The following VWDE variants were observed in gnomAD, a reference collection of about 807,000 sequenced individuals.
VWDE encodes the protein von Willebrand factor D and EGF domain-containing protein.
A neutral mutation model predicts 178.4 loss-of-function variants in VWDE; 207 were observed. That is an observed-to-expected ratio of 1.16 (90% CI 1.04 to 1.30). The LOEUF (loss-of-function observed/expected upper bound fraction) is 1.30, where lower values mean the gene tolerates loss of function less well. Ranked by LOEUF, VWDE falls within the 50% of genes most tolerant of loss-of-function variation. The pLI, the probability that VWDE is intolerant of heterozygous loss-of-function variation, is 0.00. For missense variants in VWDE, 2,287 were observed against 1,901.3 expected (o/e 1.20, Z -3.77); for synonymous variants, 738 against 651.4 (o/e 1.13, Z -2.02).
At chr7:12,392,609 T>C (rs1007171799) in intron 2 of VWDE, among the ~76,000 whole-genome samples, 4 of 152,166 alleles carry the variant, frequency 2.6e-5, no homozygotes, top group Non-Finnish European at 4.4e-5. Context: ...TAATGCAAGA[T>C]AGCTGAGGGA....
chr7:12,358,299 G>A (rs12532124), intron 16 of VWDE, among the ~76,000 whole-genome samples: 55,316 of 150,896 alleles, frequency 0.37, 10,603 homozygotes, highest in African/African-American at 0.49. Flanking sequence ...GCTTGAACCC[G>A]GGAGGTGGAG....
At chr7:12,353,716 C>T (rs1782067817) in intron 18 of VWDE, 1 of 152,236 alleles carries the variant, frequency 6.6e-6, no homozygotes, top group Non-Finnish European at 1.5e-5. Context: ...ACACACTGCT[C>T]CTTAAACTAT....
At chr7:12,347,555 AATAAC>A (rs1781672961) in intron 19 of VWDE, among the ~76,000 whole-genome samples, 1 of 152,132 alleles carries the variant, frequency 6.6e-6, no homozygotes, top group Non-Finnish European at 1.5e-5. Context: ...ATTAGAAAAT[AATAAC>A]ATAACAGAAA....
chr7:12,359,687 AT>A lies in VWDE; in HGVS notation c.3164del (p.Asn1055MetfsTer22). ...YKNDSCTIKE[N>X]VCIIDGLCYV... Reference sequence around the variant, plus strand: ...AGCAGAGTCCATCAATAATGCAAACATTTTCCTAATGGAAAATTTTTAAAAA... The same window carrying A: ...AGCAGAGTCCATCAATAATGCAAACATTTCCTAATGGAAAATTTTTAAAAA... On this transcript the variant is annotated frameshift_variant, in exon 16 of 29. Coordinates refer to ENST00000275358, the MANE Select transcript of VWDE (RefSeq NM_001135924.3). LOFTEE classifies it high-confidence loss of function. 6.5e-7 allele frequency: 1 copy of A among 1,535,232 alleles called. No homozygotes were observed. Among genetic ancestry groups the A allele is most frequent in the South Asian group, 1.2e-5 (1 of 80,760 alleles).
At chr7:12,388,243 G>A (rs879308628) in intron 3 of VWDE, among the ~76,000 whole-genome samples, 4 of 152,100 alleles carry the variant, frequency 2.6e-5, no homozygotes, top group Admixed American at 6.6e-5. Flanking sequence ...GCTTTTGGGG[G>A]AAGAGTACTA....
At chr7:12,390,034 G>A (rs1032493685) in intron 2 of VWDE, among the ~76,000 whole-genome samples, 17 of 152,050 alleles carry the variant, frequency 1.1e-4, no homozygotes, top group South Asian at 4.1e-4. Flanking sequence ...GTGTGGTGGC[G>A]TGCGCCTGTA....
chr7:12,343,113 A>G lies in VWDE; in HGVS notation c.4144T>C (p.Tyr1382His), dbSNP rs1186759587. The change falls in exon 22 of 29, where the codon TAT (tyrosine) becomes CAT (histidine). Residue 1382 changes from tyrosine to histidine, a missense_variant. By Grantham distance (83) the Tyr-to-His change is moderately conservative (BLOSUM62 2). Coordinates refer to ENST00000275358, the MANE Select transcript of VWDE (RefSeq NM_001135924.3). ...TCACACCTTGGTCCTACAAAACCAT[A>G]AGGACAAGTGCAGAGATTCCCAGCC... Reference protein sequence around the residue: ...CLAGNLCTCPYGFVGPRCETM... With the variant: ...CLAGNLCTCPHGFVGPRCETM... 6.5e-7 allele frequency: 1 copy of G among 1,549,612 alleles called. No homozygotes were observed. The highest frequency in any genetic ancestry group is 8.7e-7 in the Non-Finnish European group (1 of 1,145,626).
At chr7:12,331,794 G>C (rs1277167625) in intron 28 of VWDE, among the ~76,000 whole-genome samples, 1 of 152,132 alleles carries the variant, frequency 6.6e-6, no homozygotes, top group Non-Finnish European at 1.5e-5. Flanking sequence ...GGGTCAGAGT[G>C]AGTGCACTCA....
chr7:12,394,676 G>A (rs1784545144), intron 1 of VWDE, among the ~76,000 whole-genome samples: 1 of 152,086 alleles, frequency 6.6e-6, no homozygotes, highest in African/African-American at 2.4e-5. Context: ...GAATACCAGA[G>A]TATCTTGTTG....
intron 19 of VWDE, among the ~76,000 whole-genome samples, chr7:12,346,627 G>A (rs532569265): frequency 9.2e-5 from 14 of 151,364 alleles, no homozygotes; most frequent in Admixed American, 7.9e-4. Flanking sequence ...GGGGGCGGGG[G>A]GGATCATTAT....
intron 1 of VWDE, among the ~76,000 whole-genome samples, chr7:12,401,616 G>C (rs1784897202): frequency 6.6e-6 from 1 of 152,066 alleles, no homozygotes; most frequent in South Asian, 2.1e-4. Flanking sequence ...CACGAGGATA[G>C]GTAGAATCCA....
At chr7:12,339,576 A>G (rs1781216652) in intron 24 of VWDE, among the ~76,000 whole-genome samples, 1 of 152,124 alleles carries the variant, frequency 6.6e-6, no homozygotes. Flanking sequence ...CCAACATCCA[A>G]AATAAAAGAA....
chr7:12,380,388 T>G (rs1783777973), intron 5 of VWDE, 98 bp downstream of exon 5: 1 of 1,441,762 alleles, frequency 6.9e-7, no homozygotes, highest in Non-Finnish European at 9.2e-7. Flanking sequence ...GGCTTTATAC[T>G]CTGGGGACAA....
chr7:12,386,762 T>A (rs1784117930), intron 3 of VWDE, among the ~76,000 whole-genome samples: 1 of 152,310 alleles, frequency 6.6e-6, no homozygotes, highest in East Asian at 1.9e-4. Flanking sequence ...AGTATTCTCT[T>A]CTACAGTATT....
At chr7:12,344,157 T>C in intron 21 of VWDE, 38 bp downstream of exon 21, 1 of 1,514,562 alleles carries the variant, frequency 6.6e-7, no homozygotes, top group Non-Finnish European at 9.0e-7. Flanking sequence ...TATGCTATAT[T>C]TTAGGCCTTA....
intron 13 of VWDE, among the ~76,000 whole-genome samples, chr7:12,366,457 C>A (rs1782865189): frequency 6.6e-6 from 1 of 152,082 alleles, no homozygotes; most frequent in Non-Finnish European, 1.5e-5. Flanking sequence ...ATGACTATTA[C>A]AATGTCTATT....
At chr7:12,374,529 C>T (rs1783401860) in intron 9 of VWDE, among the ~76,000 whole-genome samples, 160 bp downstream of exon 9, 1 of 151,956 alleles carries the variant, frequency 6.6e-6, no homozygotes, top group Non-Finnish European at 1.5e-5. Flanking sequence ...GCAAAAAATT[C>T]TACACAAATA....
intron 19 of VWDE, 148 bp from the exon 20 acceptor site, chr7:12,344,617 C>T: frequency 1.6e-6 from 1 of 628,188 alleles, no homozygotes; most frequent in South Asian, 2.4e-5. Context: ...CGTAAGAATA[C>T]TCCAACAACT....
intron 14 of VWDE, 23 bp from the exon 15 acceptor site, chr7:12,361,274 T>C (rs1250479258): frequency 1.3e-6 from 2 of 1,535,538 alleles, no homozygotes; most frequent in South Asian, 2.4e-5. Context: ...AGTTCTATAA[T>C]AAGATGATTT....
Sources: allele counts gnomAD v4.1 joint callset (sites outside exome capture counted in the v4.1 genomes callset), GRCh38; gene constraint gnomAD v4.1.1; transcripts MANE v1.5; gene names NCBI Gene and HGNC (gene_info 2026-07-23, HGNC 2026-07-21).